The following EXOC4 variants were observed in gnomAD, a reference collection of about 807,000 sequenced individuals.
The protein encoded by EXOC4 is SEC8-like 1.
In EXOC4, 71 loss-of-function variants were observed where a neutral mutation model predicts 107.2. That is an observed-to-expected ratio of 0.66 (90% CI 0.55 to 0.81). The LOEUF (loss-of-function observed/expected upper bound fraction) is 0.81, where lower values mean the gene tolerates loss of function less well. Ranked by LOEUF, EXOC4 falls within the 30% of genes least tolerant of loss-of-function variation. The pLI, the probability that EXOC4 is intolerant of heterozygous loss-of-function variation, is 0.00. For synonymous variants in EXOC4, 456 were observed against 441.2 expected, an observed-to-expected ratio of 1.03 and a Z score of -0.42; for missense variants, 1,108 against 1,189.6, an observed-to-expected ratio of 0.93 and a Z score of 1.01.
chr7:134,013,059 A>C (rs188544882), intron 17 of EXOC4, among the ~76,000 whole-genome samples: 1 of 152,226 alleles, frequency 6.6e-6, no homozygotes, highest in African/African-American at 2.4e-5. Context: ...ATACGCTTCA[A>C]ATGTATATAT....
the EXOC4 span, among the ~76,000 whole-genome samples, chr7:134,094,581 T>C: frequency 1.3e-5 from 2 of 152,052 alleles, no homozygotes; most frequent in African/African-American, 4.8e-5. Flanking sequence ...AGCATCAGTA[T>C]TGATAACAAA....
chr7:133,831,872 C>T (rs1246450756), intron 11 of EXOC4, among the ~76,000 whole-genome samples: 5 of 152,074 alleles, frequency 3.3e-5, no homozygotes, highest in Non-Finnish European at 7.3e-5. Context: ...AAGCTAAAAA[C>T]GAGTTCATAC....
intron 4 of EXOC4, 125 bp downstream of exon 4, chr7:133,306,186 G>T: frequency 1.3e-6 from 1 of 770,780 alleles, no homozygotes; most frequent in Non-Finnish European, 2.0e-6. Context: ...TCTGAAACTT[G>T]AAGATGGTTT....
chr7:134,028,141 T>C (rs1170560992), intron 17 of EXOC4, among the ~76,000 whole-genome samples: 1 of 152,162 alleles, frequency 6.6e-6, no homozygotes, highest in East Asian at 1.9e-4. Flanking sequence ...ATCCTAAGAG[T>C]ATCATGTTAA....
intron 5 of EXOC4, among the ~76,000 whole-genome samples, chr7:133,343,153 G>C (rs931050740): frequency 6.6e-6 from 1 of 152,110 alleles, no homozygotes; most frequent in Non-Finnish European, 1.5e-5. Flanking sequence ...GATAGACTAT[G>C]TCAGAGAAAG....
At chr7:133,258,259 C>T (rs1272475800) in intron 1 of EXOC4, among the ~76,000 whole-genome samples, 2 of 152,122 alleles carry the variant, frequency 1.3e-5, no homozygotes, top group Non-Finnish European at 2.9e-5. Flanking sequence ...TGTCGTGGAC[C>T]CATGTCTTAG....
chr7:133,946,670 A>G (rs1054326427), intron 14 of EXOC4, among the ~76,000 whole-genome samples: 1 of 152,216 alleles, frequency 6.6e-6, no homozygotes, highest in Non-Finnish European at 1.5e-5. Context: ...TCTGAAATCT[A>G]CGTTATTACT....
At chr7:133,911,625 G>A (rs1563054262) in intron 12 of EXOC4, among the ~76,000 whole-genome samples, 1 of 152,100 alleles carries the variant, frequency 6.6e-6, no homozygotes, top group Non-Finnish European at 1.5e-5. Flanking sequence ...TAAATAATGT[G>A]GGTACCTTTA....
intron 7 of EXOC4, among the ~76,000 whole-genome samples, chr7:133,418,373 G>A (rs1033919297): frequency 3.9e-5 from 6 of 152,144 alleles, no homozygotes; most frequent in Non-Finnish European, 8.8e-5. Flanking sequence ...GTTGTACATT[G>A]GTTTTGGAGA....
chr7:133,485,586 A>C (rs1272821025), intron 9 of EXOC4, among the ~76,000 whole-genome samples: 1 of 152,050 alleles, frequency 6.6e-6, no homozygotes, highest in African/African-American at 2.4e-5. Context: ...ATTTAAAAAA[A>C]TTTTCTCATT....
At chr7:133,296,421 C>T (rs373875090) in intron 3 of EXOC4, among the ~76,000 whole-genome samples, 11 of 152,066 alleles carry the variant, frequency 7.2e-5, no homozygotes, top group Middle Eastern at 3.4e-3. Flanking sequence ...TGCTTTTAGC[C>T]GCATTTGAGA....
At chr7:133,353,206 G>C (rs1010175289) in intron 5 of EXOC4, among the ~76,000 whole-genome samples, 4 of 151,994 alleles carry the variant, frequency 2.6e-5, no homozygotes, top group African/African-American at 9.7e-5. Context: ...TAATTGCCTA[G>C]ACGTTTATCT....
At chr7:133,958,910 A>T (rs1800877117) in intron 14 of EXOC4, among the ~76,000 whole-genome samples, 1 of 152,222 alleles carries the variant, frequency 6.6e-6, no homozygotes, top group African/African-American at 2.4e-5. Context: ...TACATTAATG[A>T]CTGCTGACAC....
chr7:133,898,984 T>TA (rs1320391711), intron 12 of EXOC4, among the ~76,000 whole-genome samples: 1 of 151,416 alleles, frequency 6.6e-6, no homozygotes, highest in Non-Finnish European at 1.5e-5. Context: ...TCTCAAAAAA[T>TA]AAAAAATAAA....
chr7:133,979,601 C>T (rs1793926824), intron 14 of EXOC4, among the ~76,000 whole-genome samples: 1 of 152,108 alleles, frequency 6.6e-6, no homozygotes, highest in African/African-American at 2.4e-5. Flanking sequence ...TCCTGGCTAA[C>T]ATGGCAAAAC....
chr7:133,930,850 G>A (rs899213539), intron 13 of EXOC4: 1 of 152,062 alleles, frequency 6.6e-6, no homozygotes, highest in Non-Finnish European at 1.5e-5. Context: ...TTTTAAGCCA[G>A]ATATTTATGC....
At chr7:133,797,275 G>A (rs556459453) in intron 10 of EXOC4, among the ~76,000 whole-genome samples, 4 of 152,306 alleles carry the variant, frequency 2.6e-5, no homozygotes, top group African/African-American at 7.2e-5. Flanking sequence ...TTTATTGTGA[G>A]CATATGTTAC....
At chr7:134,005,141 G>C (rs760806791) in intron 16 of EXOC4, 51 bp downstream of exon 16, 3 of 1,549,798 alleles carry the variant, frequency 1.9e-6, no homozygotes, top group African/African-American at 2.8e-5. Flanking sequence ...AAGGATGAAA[G>C]TTTTCCTGAT....
At chr7:133,711,982 A>C (rs765237495) in intron 10 of EXOC4, among the ~76,000 whole-genome samples, 5 of 152,196 alleles carry the variant, frequency 3.3e-5, no homozygotes, top group Non-Finnish European at 7.3e-5. Flanking sequence ...AGTGGATTTG[A>C]CAAACATCAA....
Sources: allele counts gnomAD v4.1 joint callset (sites outside exome capture counted in the v4.1 genomes callset), GRCh38; gene constraint gnomAD v4.1.1; transcripts MANE v1.5; gene names NCBI Gene and HGNC (gene_info 2026-07-23, HGNC 2026-07-21).